The following ISM1 variants were observed in gnomAD, a reference collection of about 807,000 sequenced individuals.
ISM1 encodes the protein isthmin 1, also known as isthmin-1.
In ISM1, 25 loss-of-function variants were observed where a neutral mutation model predicts 46.3. That is an observed-to-expected ratio of 0.54 (90% CI 0.39 to 0.75). ISM1 has a LOEUF of 0.75. Among genes scored for constraint, ISM1 ranks in the 30% least tolerant of loss-of-function variants. The pLI is 0.00. For synonymous variants in ISM1, 255 were observed against 256.7 expected (o/e 0.99, Z 0.06); for missense variants, 536 against 625.4 (o/e 0.86, Z 1.52).
intron 1 of ISM1, among the ~76,000 whole-genome samples, chr20:13,233,595 CAAAA>C (rs1183584907): frequency 3.1e-5 from 2 of 63,716 alleles, no homozygotes; most frequent in Admixed American, 1.8e-4. Flanking sequence ...AACTCCATCT[CAAAA>C]AAAAAAAAAA....
At chr20:13,275,274 C>T (rs1041411359) in intron 2 of ISM1, among the ~76,000 whole-genome samples, 1 of 152,136 alleles carries the variant, frequency 6.6e-6, no homozygotes, top group African/African-American at 2.4e-5. Context: ...GCCTCTTGAG[C>T]GCCACAAGAT....
At chr20:13,281,073 A>G (rs907070495) in intron 3 of ISM1, among the ~76,000 whole-genome samples, 26 of 152,240 alleles carry the variant, frequency 1.7e-4, no homozygotes, top group East Asian at 7.7e-4. Context: ...AGAGAATTCT[A>G]AGCAACTTGC....
At chr20:13,267,258 T>A (rs534723562) in intron 1 of ISM1, among the ~76,000 whole-genome samples, 1 of 152,322 alleles carries the variant, frequency 6.6e-6, no homozygotes, top group Admixed American at 6.5e-5. Flanking sequence ...TAGCATTTCT[T>A]TATTACTTCC....
chr20:13,264,849 AGCTT>A (rs1456154934), intron 1 of ISM1, among the ~76,000 whole-genome samples: 1 of 152,178 alleles, frequency 6.6e-6, no homozygotes, highest in African/African-American at 2.4e-5. Context: ...ATCTCAGCAG[AGCTT>A]TCCCAAGGGC....
intron 5 of ISM1, among the ~76,000 whole-genome samples, chr20:13,298,591 T>C (rs1206392378): frequency 6.6e-6 from 1 of 152,180 alleles, no homozygotes; most frequent in Non-Finnish European, 1.5e-5. Flanking sequence ...ACAAATATAA[T>C]AATAGTTAAA....
chr20:13,312,335 T>A, the ISM1 span, among the ~76,000 whole-genome samples: 1 of 151,896 alleles, frequency 6.6e-6, no homozygotes, highest in African/African-American at 2.4e-5. Context: ...CCGTGATGGG[T>A]TGAATATGGA....
At chr20:13,243,421 T>C (rs1182969491) in intron 1 of ISM1, among the ~76,000 whole-genome samples, 1 of 152,178 alleles carries the variant, frequency 6.6e-6, no homozygotes, top group South Asian at 2.1e-4. Context: ...TGCCTCCAGC[T>C]TGGCACAAAG....
chr20:13,266,336 TAGA>T (rs2040043059), intron 1 of ISM1, among the ~76,000 whole-genome samples: 1 of 152,134 alleles, frequency 6.6e-6, no homozygotes, highest in Non-Finnish European at 1.5e-5. Context: ...TCTAAAATAA[TAGA>T]AGGAGAGGAG....
intron 1 of ISM1, among the ~76,000 whole-genome samples, chr20:13,230,992 A>G (rs927945615): frequency 1.3e-5 from 2 of 152,110 alleles, no homozygotes; most frequent in Admixed American, 1.3e-4. Flanking sequence ...CCCTGACTTG[A>G]TAATGTACCC....
At chr20:13,292,241 C>A in intron 4 of ISM1, 133 bp from the exon 5 acceptor site, 1 of 622,390 alleles carries the variant, frequency 1.6e-6, no homozygotes, top group Admixed American at 3.1e-5. Flanking sequence ...CCTCTGTTGG[C>A]AAGTTTCTGC....
the ISM1 span, among the ~76,000 whole-genome samples, chr20:13,310,962 G>A: frequency 1.3e-5 from 2 of 152,224 alleles, no homozygotes; most frequent in Admixed American, 6.5e-5. Context: ...GGGAGGCTGA[G>A]GCGAGTGGAT....
chr20:13,292,549 C>G (rs770005618), intron 5 of ISM1, 86 bp downstream of exon 5: 9 of 819,120 alleles, frequency 1.1e-5, no homozygotes, highest in Non-Finnish European at 1.8e-5. Context: ...CTTGGATCCA[C>G]GTAAATGTTT....
rs2039608814 is a variant in ISM1, at chr20:13,233,153, A to C, written c.138+11239A>C. On this transcript the variant is annotated intron_variant, in intron 1 of 5. Coordinates refer to ENST00000262487, the MANE Select transcript of ISM1 (RefSeq NM_080826.2). ...GTCCCCATGAGTGGAAATTAAGAAAACCAGAAATAGATTTCGTATCTCCTG... is the reference window on the plus strand; with the variant it reads ...GTCCCCATGAGTGGAAATTAAGAAACCCAGAAATAGATTTCGTATCTCCTG... Among the ~76,000 whole-genome samples, 2 of 152,190 alleles carry C rather than the reference A, an allele frequency of 1.3e-5. 1 individual carries two copies. The highest frequency in any genetic ancestry group is 4.1e-4 in the South Asian group (2 of 4,836).
At position 13,256,520 on chromosome 20, in the gene ISM1, T is replaced by C. The variant is rs566820357; in HGVS notation, c.139-13984T>C. Among the ~76,000 whole-genome samples the C allele has an allele frequency of 1.1e-4, 16 of 152,070 alleles. No individual in the cohort carries two copies. The East Asian group carries it at 3.1e-3, about 29-fold the overall frequency. On this transcript the variant is annotated intron_variant, in intron 1 of 5. Transcript: ENST00000262487. ...GGTCCAGCATGACTATTCTCAGGAC[T>C]AGTTGTATTTTAATAGGGGATCATG... is the stretch of plus-strand genomic sequence containing the variant.
At chr20:13,281,966 C>T (rs938490114) in intron 3 of ISM1, among the ~76,000 whole-genome samples, 1 of 152,290 alleles carries the variant, frequency 6.6e-6, no homozygotes, top group African/African-American at 2.4e-5. Flanking sequence ...ACCAGCACCA[C>T]TAGCATCACG....
intron 1 of ISM1, among the ~76,000 whole-genome samples, chr20:13,268,915 A>T (rs910550175): frequency 6.6e-6 from 1 of 152,156 alleles, no homozygotes; most frequent in Non-Finnish European, 1.5e-5. Flanking sequence ...CCCTGTCTCT[A>T]AAAAATGACA....
intron 1 of ISM1, among the ~76,000 whole-genome samples, chr20:13,261,283 T>C (rs1320239046): frequency 1.3e-5 from 2 of 151,920 alleles, no homozygotes; most frequent in Non-Finnish European, 2.9e-5. Context: ...GGTGTGGTGG[T>C]GGTGGGCACC....
At chr20:13,313,635 C>T in the ISM1 span, among the ~76,000 whole-genome samples, 1 of 152,170 alleles carries the variant, frequency 6.6e-6, no homozygotes, top group African/African-American at 2.4e-5. Context: ...TTTAATTTGT[C>T]TACATTTCTT....
At position 13,299,358 on chromosome 20, in the gene ISM1, A is replaced by G; in HGVS notation, c.1294A>G (p.Arg432Gly). ...PWIICKGDWS[R>G]YNEARPPNNG... The stretch of plus-strand genomic sequence containing the variant: ...GATTATCTGCAAGGGTGACTGGAGC[A>G]GGTATAACGAGGCCCGGCCTCCCAA... The change falls in exon 6 of 6, where the codon AGG (arginine) becomes GGG (glycine). Residue 432 changes from arginine (R) to glycine (G), a missense_variant. By Grantham distance (125) the Arg-to-Gly change is moderately radical. Coordinates refer to ENST00000262487, the MANE Select transcript of ISM1 (RefSeq NM_080826.2). This position sits in a 1 kb window ranked among gnomAD's most constrained non-coding sequence, Gnocchi z 5.8. The G allele has an allele frequency of 6.2e-7, 1 of 1,613,892 alleles. No homozygotes were observed. Among genetic ancestry groups the G allele is most frequent in the Non-Finnish European group, 8.5e-7 (1 of 1,179,892 alleles).
Sources: gnomAD v4.1 joint callset for allele counts (sites outside exome capture counted in the v4.1 genomes callset) on GRCh38, gnomAD v4.1.1 for gene constraint, Gnocchi (gnomAD v3.1) non-coding constraint, MANE v1.5 for transcripts, NCBI Gene and HGNC (gene_info 2026-07-23, HGNC 2026-07-21) for gene names.